The following NR2C2 variants were observed in gnomAD, a reference collection of about 807,000 sequenced individuals.
NR2C2 encodes the protein Nuclear hormone receptor TR4.
Under a neutral mutation model 62.9 loss-of-function variants are expected in NR2C2, and 6 were observed. The observed-to-expected ratio is 0.10, with a 90% CI of 0.05 to 0.19. NR2C2 has a LOEUF of 0.19. NR2C2 is among the 10% of genes least tolerant of loss of function. NR2C2 has a pLI of 1.00. For missense variants in NR2C2, 479 were observed against 762.7 expected (o/e 0.63, Z 4.38); for synonymous variants, 272 against 273.8 (o/e 0.99, Z 0.07).
At chr3:15,016,872 G>A (rs555458167) in intron 4 of NR2C2, among the ~76,000 whole-genome samples, 3 of 152,342 alleles carry the variant, frequency 2.0e-5, no homozygotes, top group African/African-American at 4.8e-5. Flanking sequence ...CTGTGATTAC[G>A]ATTGGGTAAA....
chr3:14,977,801 C>T (rs2040248873), intron 1 of NR2C2, among the ~76,000 whole-genome samples: 1 of 151,838 alleles, frequency 6.6e-6, no homozygotes, highest in Non-Finnish European at 1.5e-5. Context: ...CCCGTCTCTA[C>T]TAAAATACAA....
At chr3:15,035,094 C>T (rs1354110539) in intron 11 of NR2C2, among the ~76,000 whole-genome samples, 2 of 152,126 alleles carry the variant, frequency 1.3e-5, no homozygotes, top group East Asian at 3.9e-4. Context: ...GAGTTTGAGA[C>T]CAGTCTGGGC....
intron 1 of NR2C2, 180 bp downstream of exon 1, chr3:14,948,086 CCCGCGG>C: frequency 6.6e-6 from 1 of 152,320 alleles, no homozygotes; most frequent in Non-Finnish European, 1.5e-5. Flanking sequence ...CCCCTCCCCG[CCCGCGG>C]CCGGGCGAAG....
intron 1 of NR2C2, among the ~76,000 whole-genome samples, chr3:14,971,321 T>C (rs2040032390): frequency 6.6e-6 from 1 of 151,612 alleles, no homozygotes; most frequent in South Asian, 2.1e-4. Context: ...TTTCACCATG[T>C]TGGCCAAGCT....
intron 3 of NR2C2, 99 bp downstream of exon 3, chr3:15,013,888 A>G: frequency 7.6e-7 from 1 of 1,313,870 alleles, no homozygotes; most frequent in Non-Finnish European, 1.1e-6. Context: ...CCATCCCTGG[A>G]AGGTTCCTTG....
Position 15,020,750 on chromosome 3 carries a change from C to T in NR2C2, c.377-3C>T, listed in dbSNP as rs777204501. The T allele has an allele frequency of 4.3e-6, 7 of 1,612,852 alleles. No homozygotes were observed. Among genetic ancestry groups the T allele is most frequent in the Non-Finnish European group, 5.9e-6 (7 of 1,179,520 alleles). On this transcript the variant is annotated splice_polypyrimidine_tract_variant and splice_region_variant and intron_variant, in intron 4 of 13. Coordinates refer to ENST00000425241, the MANE Select transcript of NR2C2 (RefSeq NM_001291694.2). ...TATTTGTGTATTCTTTCTCCTGTTT[C>T]AGGCCGTCACTATGGGGCTGTCAGT...
intron 5 of NR2C2, among the ~76,000 whole-genome samples, chr3:15,021,409 CT>C (rs1453792327): frequency 6.6e-6 from 1 of 152,192 alleles, no homozygotes; most frequent in Non-Finnish European, 1.5e-5. Flanking sequence ...TGCCAAGCCT[CT>C]GTGTAGCTGG....
At position 14,986,226 on chromosome 3, in the gene NR2C2, A is replaced by C. The variant is rs549686047; in HGVS notation, c.-39-17650A>C. Among the ~76,000 whole-genome samples, 30 of 152,296 alleles carry C rather than the reference A, an allele frequency of 2.0e-4. 1 individual carries two copies. The highest frequency in any genetic ancestry group is 2.1e-4 in the South Asian group (1 of 4,828). Reference sequence around the variant, plus strand: ...TATAATAATAATTATATTCAGGAGAAATAAAAGGAAAGCAGCCTATTATGA... The same window carrying C: ...TATAATAATAATTATATTCAGGAGACATAAAAGGAAAGCAGCCTATTATGA... On this transcript the variant is annotated intron_variant, in intron 1 of 13. Transcript: ENST00000425241.
At chr3:15,024,086 T>G (rs777772620) in intron 6 of NR2C2, 29 bp from the exon 7 acceptor site, 3 of 1,468,560 alleles carry the variant, frequency 2.0e-6, no homozygotes, top group Non-Finnish European at 2.9e-6. Flanking sequence ...TGTTGGAAGC[T>G]ACTCTGAGTT....
chr3:14,953,379 G>A (rs1030585494), intron 1 of NR2C2, among the ~76,000 whole-genome samples: 4 of 152,114 alleles, frequency 2.6e-5, no homozygotes, highest in Non-Finnish European at 2.9e-5. Flanking sequence ...CCCTGTTTGC[G>A]TTAGTGAGAG....
At position 15,020,849 on chromosome 3, in the gene NR2C2, A is replaced by G; in HGVS notation, c.473A>G (p.Asp158Gly). Residue 158 changes from aspartate to glycine, a missense_variant, in exon 5 of 14, where the codon GAC (aspartate) becomes GGC (glycine). Asp to Gly is a moderately conservative substitution (Grantham distance 94). Coordinates refer to ENST00000425241, the MANE Select transcript of NR2C2 (RefSeq NM_001291694.2). ...ACCTACAGCTGCCGGAGCAACCAAG[A>G]CTGCATCATCAATAAACATCACCGG... ...NLTYSCRSNQ[D>G]CIINKHHRNR... 6.2e-7 allele frequency: 1 copy of G among 1,614,212 alleles called. No homozygotes were observed. Among genetic ancestry groups the G allele is most frequent in the Non-Finnish European group, 8.5e-7 (1 of 1,180,038 alleles).
chr3:15,010,487 G>A (rs938108395), intron 2 of NR2C2, among the ~76,000 whole-genome samples: 1 of 151,986 alleles, frequency 6.6e-6, no homozygotes, highest in Non-Finnish European at 1.5e-5. Context: ...GCGAAGGCAC[G>A]AGGATCACTT....
At chr3:14,983,491 A>ACACACG (rs1553639705) in intron 1 of NR2C2, among the ~76,000 whole-genome samples, 74 of 151,612 alleles carry the variant, frequency 4.9e-4, no homozygotes, top group African/African-American at 9.7e-4. Flanking sequence ...ACACACACAC[A>ACACACG]CACATTCTTA....
At chr3:14,987,346 G>T (rs934678809) in intron 1 of NR2C2, among the ~76,000 whole-genome samples, 1 of 152,160 alleles carries the variant, frequency 6.6e-6, no homozygotes, top group African/African-American at 2.4e-5. Flanking sequence ...GCCTCGCAGA[G>T]TGCTGGGATT....
At chr3:14,985,131 ATTTC>A (rs1258528295) in intron 1 of NR2C2, among the ~76,000 whole-genome samples, 1 of 152,030 alleles carries the variant, frequency 6.6e-6, no homozygotes, top group East Asian at 1.9e-4. Context: ...AAATTGAGTT[ATTTC>A]TTTTCTTGAG....
Position 15,043,649 on chromosome 3 carries a change from T to C in NR2C2, c.*641T>C, listed in dbSNP as rs936267492. The C allele has an allele frequency of 6.6e-6, 1 of 152,594 alleles. No individual in the cohort carries two copies. The highest frequency in any genetic ancestry group is 6.5e-5 in the Admixed American group (1 of 15,282). 9.5% of individuals were successfully genotyped at this position (152,594 alleles called of 1,614,324 possible). ...TTCTGTGAATGGAAACGTGGCTCATTTGCATCATGCAGTAAGTGGGAGTGT... is the reference window on the plus strand; with the variant it reads ...TTCTGTGAATGGAAACGTGGCTCATCTGCATCATGCAGTAAGTGGGAGTGT... On this transcript the variant is annotated 3_prime_UTR_variant, in exon 14 of 14. Transcript: ENST00000425241.
At chr3:14,983,804 C>T (rs1282471092) in intron 1 of NR2C2, among the ~76,000 whole-genome samples, 1 of 152,096 alleles carries the variant, frequency 6.6e-6, no homozygotes, top group Non-Finnish European at 1.5e-5. Flanking sequence ...GTACCTTCTT[C>T]AAAGAATTTG....
intron 1 of NR2C2, among the ~76,000 whole-genome samples, chr3:14,981,214 C>T (rs551650855): frequency 2.0e-5 from 3 of 152,304 alleles, no homozygotes; most frequent in South Asian, 2.1e-4. Flanking sequence ...CACCTGTAAT[C>T]GCAGCACTTT....
At chr3:15,039,599 T>A (rs901133507) in intron 13 of NR2C2, among the ~76,000 whole-genome samples, 1 of 152,186 alleles carries the variant, frequency 6.6e-6, no homozygotes, top group African/African-American at 2.4e-5. Context: ...TGAGTTCTCA[T>A]GGAGATTCCT....
Sources: allele counts gnomAD v4.1 joint callset (sites outside exome capture counted in the v4.1 genomes callset), GRCh38; gene constraint gnomAD v4.1.1; transcripts MANE v1.5; gene names NCBI Gene and HGNC (gene_info 2026-07-23, HGNC 2026-07-21).